Variants in SYNE1 observed in about 807,000 individuals in gnomAD.
SYNE1 encodes the protein nesprin-1.
A neutral mutation model predicts 1,111.0 loss-of-function variants in SYNE1; 616 were observed. The observed-to-expected ratio is 0.55, with a 90% confidence interval of 0.52 to 0.59. SYNE1 has a LOEUF of 0.59. Ranked by LOEUF, SYNE1 falls within the 20% of genes least tolerant of loss-of-function variation. The pLI is 0.00. For missense variants in SYNE1, 10,006 were observed against 10,417.0 expected (o/e 0.96, Z 1.72); for synonymous variants, 3,855 against 3,825.8 (o/e 1.01, Z -0.28).
chr6:152,136,550 A>G, intron 141 of SYNE1, 68 bp downstream of exon 141: 1 of 1,586,900 alleles, frequency 6.3e-7, no homozygotes. Flanking sequence ...ATGATACATC[A>G]AGTCACACAC....
chr6:152,189,478 C>T, intron 127 of SYNE1, 71 bp from the exon 128 acceptor site: 2 of 1,486,172 alleles, frequency 1.3e-6, no homozygotes, highest in Admixed American at 3.4e-5. Context: ...TTTTTGAATC[C>T]CCTCTTGATA....
chr6:152,442,224 C>G lies in SYNE1; in HGVS notation c.3859G>C (p.Ala1287Pro). The part of the protein sequence containing the change: ...HHQQKTKRIS[A>P]KKRDVQQQIA... ...TGCTGCTGCACATCTCTCTTCTTTGCTGAGATCCGCTTTGTCTTTTGCTAG... is the reference window on the plus strand; with the variant it reads ...TGCTGCTGCACATCTCTCTTCTTTGGTGAGATCCGCTTTGTCTTTTGCTAG... Residue 1287 changes from alanine to proline, a missense_variant, in exon 31 of 146, where the codon GCA becomes CCA. Ala to Pro is a conservative substitution (Grantham distance 27). Transcript: ENST00000367255. 6.2e-7 allele frequency: 1 copy of G among 1,613,302 alleles called. No homozygotes were observed. The highest frequency in any genetic ancestry group is 1.3e-5 in the African/African-American group (1 of 75,058).
At chr6:152,507,005 A>G (rs1011169163) in intron 8 of SYNE1, among the ~76,000 whole-genome samples, 44 of 152,282 alleles carry the variant, frequency 2.9e-4, no homozygotes, top group African/African-American at 9.9e-4. Context: ...AAATATCCTA[A>G]AAACAATTTT....
intron 4 of SYNE1, among the ~76,000 whole-genome samples, chr6:152,536,153 C>T (rs1442780694): frequency 2.0e-5 from 3 of 151,324 alleles, no homozygotes; most frequent in Non-Finnish European, 4.4e-5. Flanking sequence ...GATTTCTTCT[C>T]TCATTCTGCC....
chr6:152,505,235 T>C lies in SYNE1; in HGVS notation c.744A>G (p.Thr248=), dbSNP rs2099051510. 2 of 1,613,986 alleles carry C rather than the reference T, an allele frequency of 1.2e-6. No individual in the cohort carries two copies. Among genetic ancestry groups the C allele is most frequent in the African/African-American group, 1.3e-5 (1 of 74,908 alleles). ...NLEDAFTIAE[T]ELGIPRLLDP... ...CTAGCAGTCTTGGGATCCCCAGTTC[T>C]GTTTCGGCGATAGTGAAAGCATCCT... Residue 248 remains threonine, a synonymous_variant, in exon 9 of 146, where the codon ACA becomes ACG. Transcript: ENST00000367255.
chr6:152,447,477 A>G lies in SYNE1; in HGVS notation c.3650T>C (p.Leu1217Pro), dbSNP rs750066935. Residue 1217 changes from leucine (L) to proline (P), a missense_variant, in exon 29 of 146, where the codon CTT becomes CCT. Transcript: ENST00000367255. Reference sequence around the variant, plus strand: ...CTGTACCTCTGACAGCAGCGTCACAAGAGCCTTGAAAGAGCTGGATAATTT... The same window carrying G: ...CTGTACCTCTGACAGCAGCGTCACAGGAGCCTTGAAAGAGCTGGATAATTT... ...LAKLSSSFKA[L>P]VTLLSEVEKM... 6 of 1,614,238 alleles carry G rather than the reference A, an allele frequency of 3.7e-6. No individual in the cohort carries two copies. In the Admixed American group the frequency reaches 6.7e-5, roughly 18 times the overall value.
chr6:152,502,855 A>G, intron 9 of SYNE1, 113 bp from the exon 10 acceptor site: 3 of 822,350 alleles, frequency 3.6e-6, no homozygotes, highest in African/African-American at 1.7e-5. Flanking sequence ...GAAGGAAAAC[A>G]GAAGTACTAT....
At position 152,242,250 on chromosome 6, in the gene SYNE1, T is replaced by C. The variant is rs2085904780; in HGVS notation, c.19883A>G (p.Asp6628Gly). ...TTTTTTGTTATGTACCTTATGTTTGTCAAGTAGTTGCTGGATTTCCTCTTT... is the reference window on the plus strand; with the variant it reads ...TTTTTTGTTATGTACCTTATGTTTGCCAAGTAGTTGCTGGATTTCCTCTTT... ...SSKEEIQQLL[D>G]KHKEYFQGLE... Residue 6628 changes from aspartate to glycine, a missense_variant, in exon 107 of 146, where the codon GAC (aspartate) becomes GGC (glycine). Physicochemically the swap from Asp to Gly is moderately conservative, Grantham distance 94. Around this residue, in one of 7 missense-constraint regions of SYNE1, gnomAD observed 2,182 missense variants for 2,287.8 expected, o/e 0.95. Transcript: ENST00000367255. 6.2e-7 allele frequency: 1 copy of C among 1,614,014 alleles called. No homozygotes were observed. The highest frequency in any genetic ancestry group is 2.2e-5 in the East Asian group (1 of 44,868).
chr6:152,569,759 C>T (rs1175125974), intron 3 of SYNE1, among the ~76,000 whole-genome samples: 3 of 152,060 alleles, frequency 2.0e-5, no homozygotes, highest in African/African-American at 4.8e-5. Flanking sequence ...TGGAGATGGC[C>T]CTAGAAGTGT....
At chr6:152,566,558 G>A (rs1431437080) in intron 3 of SYNE1, among the ~76,000 whole-genome samples, 2 of 152,094 alleles carry the variant, frequency 1.3e-5, no homozygotes, top group Admixed American at 1.3e-4. Flanking sequence ...TAAAAGCATG[G>A]TTAAAAGAGC....
At chr6:152,520,279 T>C (rs569120494) in intron 6 of SYNE1, among the ~76,000 whole-genome samples, 180 bp downstream of exon 6, 2 of 152,286 alleles carry the variant, frequency 1.3e-5, no homozygotes, top group East Asian at 3.9e-4. Context: ...AGAAATAAAA[T>C]TTCTTTTTTG....
intron 8 of SYNE1, 70 bp downstream of exon 8, chr6:152,510,123 G>T: frequency 1.4e-6 from 2 of 1,447,634 alleles, no homozygotes; most frequent in African/African-American, 2.8e-5. Context: ...GCAATCATTA[G>T]AAGTTGCAAT....
chr6:152,600,568 G>T (rs1042066140), intron 3 of SYNE1, among the ~76,000 whole-genome samples: 1 of 152,068 alleles, frequency 6.6e-6, no homozygotes, highest in Non-Finnish European at 1.5e-5. Flanking sequence ...CTGTTTGCTG[G>T]CAAATAATGC....
At chr6:152,404,942 A>G (rs2097873819) in intron 45 of SYNE1, 1 of 152,332 alleles carries the variant, frequency 6.6e-6, no homozygotes, top group Non-Finnish European at 1.5e-5. Flanking sequence ...ACAAAGGGGC[A>G]TTTAATAAAC....
chr6:152,235,426 A>G (rs1251009752), intron 110 of SYNE1, among the ~76,000 whole-genome samples: 1 of 152,058 alleles, frequency 6.6e-6, no homozygotes. Context: ...CAATGGCGCA[A>G]TCTTGGCTCA....
chr6:152,564,528 G>C (rs1369212339), intron 3 of SYNE1, among the ~76,000 whole-genome samples: 1 of 152,104 alleles, frequency 6.6e-6, no homozygotes, highest in African/African-American at 2.4e-5. Context: ...TGTTGCCTAG[G>C]CTGGTCTTGA....
chr6:152,248,099 G>A (rs753842198), intron 105 of SYNE1, among the ~76,000 whole-genome samples: 24 of 152,190 alleles, frequency 1.6e-4, no homozygotes, highest in Non-Finnish European at 3.4e-4. Context: ...CTCCAGTACA[G>A]CTACATGAAG....
At chr6:152,306,958 CA>C (rs1445253230) in intron 91 of SYNE1, among the ~76,000 whole-genome samples, 2 of 122,534 alleles carry the variant, frequency 1.6e-5, no homozygotes, top group African/African-American at 6.1e-5. Context: ...AACCGTACAA[CA>C]AAAAAGTTTA....
intron 42 of SYNE1, 148 bp from the exon 43 acceptor site, chr6:152,409,857 G>T: frequency 1.2e-6 from 1 of 835,998 alleles, no homozygotes; most frequent in Non-Finnish European, 1.9e-6. Flanking sequence ...AGTGCTGCTG[G>T]TTAATCCTAC....
Sources: allele counts gnomAD v4.1 joint callset (sites outside exome capture counted in the v4.1 genomes callset), GRCh38; gene constraint gnomAD v4.1.1; regional missense constraint gnomAD v4.1.1; transcripts MANE v1.5; gene names NCBI Gene and HGNC (gene_info 2026-07-23, HGNC 2026-07-21).